The following TGFBR1 variants were observed in gnomAD, a reference collection of about 807,000 sequenced individuals.
TGFBR1 encodes the protein TGF-beta receptor type-1.
A neutral mutation model predicts 55.1 loss-of-function variants in TGFBR1; 20 were observed. The observed-to-expected ratio is 0.36, with a 90% CI of 0.26 to 0.53. TGFBR1 has a LOEUF of 0.53. Among genes scored for constraint, TGFBR1 ranks in the 20% least tolerant of loss-of-function variants. The pLI is 0.91. For missense variants in TGFBR1, 385 were observed against 617.6 expected (o/e 0.62, Z 3.99); for synonymous variants, 220 against 214.8 (o/e 1.02, Z -0.21).
At chr9:99,124,341 G>A (rs1826975081) in intron 1 of TGFBR1, among the ~76,000 whole-genome samples, 1 of 152,056 alleles carries the variant, frequency 6.6e-6, no homozygotes. Context: ...ACTGTACCTG[G>A]CATATAGAGA....
At position 99,153,470 on chromosome 9, in the gene TGFBR1, T is replaced by C; in HGVS notation, c.*4165T>C. 1 of 205,396 alleles carries C rather than the reference T, an allele frequency of 4.9e-6. No homozygotes were observed. 12.7% of individuals were successfully genotyped at this position (205,396 alleles called of 1,614,324 possible). ...TGAAGTCGAATGATACTGAGAAGCC[T>C]GTAAAGAGGAGAAAAAAACATAAGC... On this transcript the variant is annotated 3_prime_UTR_variant, in exon 9 of 9. Transcript: ENST00000374994.
intron 1 of TGFBR1, among the ~76,000 whole-genome samples, chr9:99,127,150 G>C (rs544228617): frequency 6.6e-6 from 1 of 152,278 alleles, no homozygotes; most frequent in African/African-American, 2.4e-5. Flanking sequence ...AAAGCAAAAG[G>C]CACCCGGGGT....
chr9:99,111,156 TGTATTGATTTATAC>T (rs1326647295), intron 1 of TGFBR1, among the ~76,000 whole-genome samples: 2 of 152,190 alleles, frequency 1.3e-5, no homozygotes, highest in Non-Finnish European at 2.9e-5. Context: ...ACTTACTATT[TGTATTGATTTATAC>T]ATATATTCAT....
chr9:99,109,097 A>G (rs541891370), intron 1 of TGFBR1, among the ~76,000 whole-genome samples: 162 of 152,284 alleles, frequency 1.1e-3, no homozygotes, highest in Middle Eastern at 6.8e-3. Flanking sequence ...GGTGGTTGGC[A>G]TCCACGAAGG....
intron 1 of TGFBR1, among the ~76,000 whole-genome samples, chr9:99,111,417 A>G (rs1413521760): frequency 6.7e-6 from 1 of 148,272 alleles, no homozygotes; most frequent in Non-Finnish European, 1.5e-5. Flanking sequence ...TCACGAGGTC[A>G]GGAGTTCGAG....
chr9:99,135,426 A>G (rs1198282107), intron 3 of TGFBR1, among the ~76,000 whole-genome samples: 1 of 152,226 alleles, frequency 6.6e-6, no homozygotes, highest in Non-Finnish European at 1.5e-5. Context: ...AGGAAAAGGT[A>G]TAAGCATTTC....
chr9:99,134,069 TTGTGAC>T (rs1305787672), intron 3 of TGFBR1, among the ~76,000 whole-genome samples: 2 of 151,990 alleles, frequency 1.3e-5, no homozygotes, highest in African/African-American at 4.8e-5. Flanking sequence ...AAAGCAGAAG[TTGTGAC>T]TGGGTAAGAA....
chr9:99,107,867 C>G (rs1826458785), intron 1 of TGFBR1, among the ~76,000 whole-genome samples: 1 of 152,130 alleles, frequency 6.6e-6, no homozygotes, highest in Non-Finnish European at 1.5e-5. Context: ...AGTTTTGCCC[C>G]TTTTTTTGGG....
At chr9:99,132,450 T>G (rs781668417) in intron 2 of TGFBR1, 59 bp from the exon 3 acceptor site, 1 of 1,605,710 alleles carries the variant, frequency 6.2e-7, no homozygotes, top group Non-Finnish European at 8.5e-7. Flanking sequence ...AAATGGGGGT[T>G]GCCACCTACA....
At chr9:99,126,762 T>A (rs1186882708) in intron 1 of TGFBR1, among the ~76,000 whole-genome samples, 1 of 152,208 alleles carries the variant, frequency 6.6e-6, no homozygotes, top group East Asian at 1.9e-4. Flanking sequence ...TCACACCTTG[T>A]CATGAATAAT....
At chr9:99,131,571 A>G (rs1827225086) in intron 2 of TGFBR1, among the ~76,000 whole-genome samples, 1 of 152,192 alleles carries the variant, frequency 6.6e-6, no homozygotes, top group Non-Finnish European at 1.5e-5. Context: ...TTACAAGAAA[A>G]TGATCTGGAC....
chr9:99,138,118 A>G (rs373771687), intron 4 of TGFBR1, 29 bp downstream of exon 4: 7 of 1,578,226 alleles, frequency 4.4e-6, no homozygotes, highest in Non-Finnish European at 6.1e-6. Context: ...TCCTTATGTT[A>G]TATATAACAA....
intron 1 of TGFBR1, among the ~76,000 whole-genome samples, chr9:99,114,275 C>T (rs767559447): frequency 6.6e-6 from 1 of 152,064 alleles, no homozygotes; most frequent in African/African-American, 2.4e-5. Context: ...AACAATTATC[C>T]GTAAGTTTAG....
chr9:99,118,653 T>G (rs1404991147), intron 1 of TGFBR1, among the ~76,000 whole-genome samples: 1 of 149,166 alleles, frequency 6.7e-6, no homozygotes, highest in Non-Finnish European at 1.5e-5. Context: ...CTTTTTTTTT[T>G]TTTTTTTTTT....
chr9:99,138,597 G>A (rs113608185), intron 4 of TGFBR1, among the ~76,000 whole-genome samples: 29 of 152,288 alleles, frequency 1.9e-4, no homozygotes, highest in Middle Eastern at 3.4e-3. Context: ...GAGATAAATT[G>A]TTTCTTCAAC....
At chr9:99,133,833 C>T (rs1827327705) in intron 3 of TGFBR1, among the ~76,000 whole-genome samples, 1 of 151,910 alleles carries the variant, frequency 6.6e-6, no homozygotes, top group Middle Eastern at 3.2e-3. Context: ...GAAAGCCCAT[C>T]TCTATTAAAA....
intron 3 of TGFBR1, among the ~76,000 whole-genome samples, chr9:99,135,694 G>A (rs927705837): frequency 6.6e-6 from 1 of 152,076 alleles, no homozygotes; most frequent in Non-Finnish European, 1.5e-5. Flanking sequence ...CATGTTGTTC[G>A]GGTCTTATTT....
intron 1 of TGFBR1, among the ~76,000 whole-genome samples, chr9:99,111,978 T>C (rs1332462504): frequency 6.6e-6 from 1 of 152,090 alleles, no homozygotes. Flanking sequence ...AGTGGATGTG[T>C]GGTGGAAAGG....
intron 2 of TGFBR1, among the ~76,000 whole-genome samples, chr9:99,131,555 T>G (rs759109955): frequency 6.6e-6 from 1 of 152,010 alleles, no homozygotes; most frequent in Non-Finnish European, 1.5e-5. Context: ...TAATTATTAA[T>G]AGAAGTTACA....
Sources: gnomAD v4.1 joint callset for allele counts (sites outside exome capture counted in the v4.1 genomes callset) on GRCh38, gnomAD v4.1.1 for gene constraint, MANE v1.5 for transcripts, NCBI Gene and HGNC (gene_info 2026-07-23, HGNC 2026-07-21) for gene names.